Variants in UBE2E2 observed in about 807,000 individuals in gnomAD.
UBE2E2 encodes ubiquitin conjugating enzyme E2 E2.
UBE2E2 carries 6 observed loss-of-function variants against 24.7 expected under a neutral mutation model. The observed-to-expected ratio is 0.24, with a 90% CI of 0.13 to 0.48. UBE2E2 has a LOEUF of 0.48. UBE2E2 is among the 20% of genes least tolerant of loss of function. The pLI, the probability that UBE2E2 is intolerant of heterozygous loss-of-function variation, is 0.99. For missense variants in UBE2E2, 169 were observed against 245.0 expected (o/e 0.69, Z 2.07); for synonymous variants, 104 against 83.6 (o/e 1.24, Z -1.33).
intron 3 of UBE2E2, among the ~76,000 whole-genome samples, chr3:23,338,768 T>A (rs718331): frequency 0.84 from 127,660 of 151,880 alleles, 53,783 homozygotes; most frequent in African/African-American, 0.91. Context: ...AAATAAAAAG[T>A]GGTATCCAGA....
intron 4 of UBE2E2, among the ~76,000 whole-genome samples, chr3:23,515,097 T>C (rs1176939459): frequency 1.3e-5 from 2 of 151,434 alleles, no homozygotes; most frequent in African/African-American, 4.9e-5. Flanking sequence ...TCTCAAATAG[T>C]TGTAGGGACA....
intron 3 of UBE2E2, among the ~76,000 whole-genome samples, chr3:23,389,392 A>C (rs572679538): frequency 6.6e-6 from 1 of 152,300 alleles, no homozygotes; most frequent in Non-Finnish European, 1.5e-5. Context: ...CTTTATTACG[A>C]ATGGAGTTGA....
intron 3 of UBE2E2, among the ~76,000 whole-genome samples, chr3:23,445,648 G>A (rs2125411945): frequency 6.6e-6 from 1 of 152,338 alleles, no homozygotes; most frequent in Non-Finnish European, 1.5e-5. Context: ...GAAGGAGAAA[G>A]GCGTTAGTGA....
chr3:23,336,558 C>G (rs1692798524), intron 3 of UBE2E2, among the ~76,000 whole-genome samples: 1 of 152,192 alleles, frequency 6.6e-6, no homozygotes, highest in African/African-American at 2.4e-5. Context: ...TTTAGACATA[C>G]TGGTCCTTGC....
chr3:23,531,438 A>G (rs1021962117), intron 4 of UBE2E2, among the ~76,000 whole-genome samples: 2 of 152,198 alleles, frequency 1.3e-5, no homozygotes, highest in East Asian at 1.9e-4. Context: ...TAGTAGTTAT[A>G]AAACTGATTT....
At chr3:23,223,352 T>C (rs1225670714) in intron 3 of UBE2E2, among the ~76,000 whole-genome samples, 1 of 151,854 alleles carries the variant, frequency 6.6e-6, no homozygotes, top group Non-Finnish European at 1.5e-5. Flanking sequence ...ACCACCACAC[T>C]TGGCTAATTT....
chr3:23,463,504 C>T (rs1025761893), intron 3 of UBE2E2, among the ~76,000 whole-genome samples: 1 of 151,888 alleles, frequency 6.6e-6, no homozygotes, highest in African/African-American at 2.4e-5. Flanking sequence ...TAACCATTAC[C>T]CCAGGTCCCA....
chr3:23,377,137 G>A (rs1696544513), intron 3 of UBE2E2, among the ~76,000 whole-genome samples: 1 of 152,114 alleles, frequency 6.6e-6, no homozygotes. Flanking sequence ...TTGGGTCCGT[G>A]TTCTGTTTCT....
chr3:23,465,323 C>A (rs1211838548), intron 3 of UBE2E2, among the ~76,000 whole-genome samples: 1 of 152,184 alleles, frequency 6.6e-6, no homozygotes, highest in Non-Finnish European at 1.5e-5. Flanking sequence ...TCCTGGCCCC[C>A]AAAGTAGGCA....
chr3:23,573,026 G>T (rs1334052755), intron 5 of UBE2E2, among the ~76,000 whole-genome samples: 1 of 151,538 alleles, frequency 6.6e-6, no homozygotes, highest in African/African-American at 2.4e-5. Context: ...TCAAGATTAG[G>T]GTTCTCAAAA....
intron 3 of UBE2E2, among the ~76,000 whole-genome samples, chr3:23,224,291 A>G (rs985692685): frequency 1.3e-5 from 2 of 150,426 alleles, no homozygotes; most frequent in Non-Finnish European, 2.9e-5. Flanking sequence ...CTTCTAATCC[A>G]TGAACATAGA....
chr3:23,245,467 C>T (rs1034046565), intron 3 of UBE2E2, among the ~76,000 whole-genome samples: 2 of 152,048 alleles, frequency 1.3e-5, no homozygotes, highest in Non-Finnish European at 2.9e-5. Context: ...TCTATTAAAT[C>T]ATTATAAATG....
At chr3:23,301,294 A>G (rs1288731982) in intron 3 of UBE2E2, among the ~76,000 whole-genome samples, 4 of 152,190 alleles carry the variant, frequency 2.6e-5, no homozygotes, top group African/African-American at 9.7e-5. Flanking sequence ...AATCAAAGTC[A>G]TTCTCCGTCC....
chr3:23,296,572 C>A (rs1168566871), intron 3 of UBE2E2, among the ~76,000 whole-genome samples: 1 of 152,036 alleles, frequency 6.6e-6, no homozygotes, highest in African/African-American at 2.4e-5. Context: ...GGTTTTTTGT[C>A]CTTGCGATAG....
chr3:23,370,263 T>G (rs57234542), intron 3 of UBE2E2, among the ~76,000 whole-genome samples: 13 of 152,152 alleles, frequency 8.5e-5, no homozygotes, highest in Admixed American at 8.5e-4. Context: ...CCTTTCTGTC[T>G]TTAAGTTTGT....
chr3:23,466,104 A>G (rs1698913426), intron 3 of UBE2E2, among the ~76,000 whole-genome samples: 1 of 152,234 alleles, frequency 6.6e-6, no homozygotes, highest in Non-Finnish European at 1.5e-5. Flanking sequence ...CTGGTAGTAC[A>G]ATATAAACAT....
intron 3 of UBE2E2, among the ~76,000 whole-genome samples, chr3:23,269,606 A>C (rs994900882): frequency 6.6e-6 from 1 of 152,318 alleles, no homozygotes; most frequent in Middle Eastern, 3.4e-3. Context: ...TGTAACTGTC[A>C]TGCAAAAGGC....
At chr3:23,454,646 G>A (rs1021500310) in intron 3 of UBE2E2, among the ~76,000 whole-genome samples, 1 of 152,174 alleles carries the variant, frequency 6.6e-6, no homozygotes, top group East Asian at 1.9e-4. Flanking sequence ...TTCCATCCGT[G>A]TGTGATGTCT....
At chr3:23,484,158 G>C (rs911257496) in intron 3 of UBE2E2, among the ~76,000 whole-genome samples, 1 of 152,122 alleles carries the variant, frequency 6.6e-6, no homozygotes, top group Non-Finnish European at 1.5e-5. Context: ...TCTTCTCCCT[G>C]CCTTTTTCCA....
Sources: gnomAD v4.1 joint callset for allele counts (sites outside exome capture counted in the v4.1 genomes callset) on GRCh38, gnomAD v4.1.1 for gene constraint, MANE v1.5 for transcripts, NCBI Gene and HGNC (gene_info 2026-07-23, HGNC 2026-07-21) for gene names.